The following RPS6KC1 variants were observed in gnomAD, a reference collection of about 807,000 sequenced individuals.
RPS6KC1 encodes ribosomal protein S6 kinase C1, also known as inactive ribosomal protein S6 kinase delta-1.
In RPS6KC1, 54 loss-of-function variants were observed where a neutral mutation model predicts 103.8. The ratio of observed to expected loss-of-function variants is 0.52; its 90% CI spans 0.42 to 0.65. The LOEUF (loss-of-function observed/expected upper bound fraction) is 0.65, where lower values mean the gene tolerates loss of function less well. RPS6KC1 is among the 30% of genes least tolerant of loss of function. RPS6KC1 has a pLI of 0.00. For synonymous variants in RPS6KC1, 439 were observed against 438.7 expected, an observed-to-expected ratio of 1.00 and a Z score of -0.01; for missense variants, 1,151 against 1,253.8, an observed-to-expected ratio of 0.92 and a Z score of 1.24.
At chr1:213,290,455 G>A in the RPS6KC1 span, among the ~76,000 whole-genome samples, 9 of 152,158 alleles carry the variant, frequency 5.9e-5, no homozygotes, top group African/African-American at 4.8e-5. Flanking sequence ...GGAACGATAC[G>A]GGGTGCCTGC....
rs144042840 is a variant in RPS6KC1 at position 213,240,939 on chromosome 1, A to G, written c.1463A>G (p.Asp488Gly). 1.9e-6 allele frequency: 3 copies of G among 1,613,796 alleles called. No homozygotes were observed. The highest frequency in any genetic ancestry group is 1.1e-5 in the South Asian group (1 of 91,084). Residue 488 changes from aspartate to glycine, a missense_variant, in exon 11 of 15, where the codon GAT becomes GGT. Around this residue, in one of 3 missense-constraint regions of RPS6KC1, gnomAD observed 959 missense variants for 1,006.3 expected, o/e 0.95. Transcript: ENST00000366960. ...TCTCAAGATGACAGCAACCAGGAAG[A>G]TGATGGCCAAGATAGCTCTCCAAAG... ...PSSQDDSNQE[D>G]DGQDSSPKWP...
chr1:213,607,727 A>ACACACACAC, the RPS6KC1 span, among the ~76,000 whole-genome samples: 3 of 150,872 alleles, frequency 2.0e-5, no homozygotes, highest in Non-Finnish European at 3.0e-5. Context: ...ACACACACAC[A>ACACACACAC]AAATAAATAA....
the RPS6KC1 span, among the ~76,000 whole-genome samples, chr1:213,390,120 A>G: frequency 6.6e-6 from 1 of 152,202 alleles, no homozygotes; most frequent in African/African-American, 2.4e-5. Context: ...TATGTGAAAT[A>G]AAAGGGACCA....
chr1:213,800,666 CACGAGTCTAG>C, the RPS6KC1 span, among the ~76,000 whole-genome samples: 1 of 152,124 alleles, frequency 6.6e-6, no homozygotes, highest in East Asian at 1.9e-4. Flanking sequence ...ATAGAAGATC[CACGAGTCTAG>C]AAGTGATGGT....
chr1:213,603,248 G>C, the RPS6KC1 span, among the ~76,000 whole-genome samples: 1 of 152,222 alleles, frequency 6.6e-6, no homozygotes, highest in African/African-American at 2.4e-5. Context: ...CCTGTGCTCT[G>C]TCACTAGTTC....
chr1:213,249,802 A>G (rs1197048857), intron 12 of RPS6KC1, among the ~76,000 whole-genome samples: 1 of 152,162 alleles, frequency 6.6e-6, no homozygotes, highest in Non-Finnish European at 1.5e-5. Context: ...CTCGTTTCTT[A>G]TTTTATCTCA....
the RPS6KC1 span, among the ~76,000 whole-genome samples, chr1:213,509,081 G>C: frequency 2.6e-5 from 4 of 152,160 alleles, no homozygotes; most frequent in African/African-American, 4.8e-5. Context: ...AATATGTAGG[G>C]TGACCATGTA....
the RPS6KC1 span, among the ~76,000 whole-genome samples, chr1:213,388,053 C>T: frequency 5.9e-5 from 9 of 152,260 alleles, no homozygotes; most frequent in Admixed American, 1.3e-4. Context: ...AGTTGTCCCC[C>T]CAACTGCTGG....
chr1:213,495,841 G>A, the RPS6KC1 span, among the ~76,000 whole-genome samples: 1 of 152,086 alleles, frequency 6.6e-6, no homozygotes, highest in Non-Finnish European at 1.5e-5. Flanking sequence ...GAATACAAAT[G>A]TCTTATTCTT....
At chr1:213,662,172 G>A in the RPS6KC1 span, among the ~76,000 whole-genome samples, 4 of 151,886 alleles carry the variant, frequency 2.6e-5, no homozygotes, top group Non-Finnish European at 4.4e-5. Flanking sequence ...GTGTGAGGAG[G>A]GTAAGGGATA....
intron 3 of RPS6KC1, among the ~76,000 whole-genome samples, chr1:213,101,390 T>A (rs1329060700): frequency 2.6e-5 from 4 of 152,198 alleles, no homozygotes; most frequent in Admixed American, 6.6e-5. Flanking sequence ...GCATAACCCT[T>A]TATTTTTGGT....
the RPS6KC1 span, among the ~76,000 whole-genome samples, chr1:213,501,007 T>C: frequency 6.6e-6 from 1 of 152,290 alleles, no homozygotes; most frequent in Non-Finnish European, 1.5e-5. Flanking sequence ...AGGCTTAACC[T>C]GAGTGAATGG....
chr1:213,119,061 C>G (rs994149956), intron 5 of RPS6KC1, among the ~76,000 whole-genome samples: 1 of 151,886 alleles, frequency 6.6e-6, no homozygotes, highest in Admixed American at 6.6e-5. Flanking sequence ...CTGGCTGTTG[C>G]CTCAGTTTCC....
intron 1 of RPS6KC1, among the ~76,000 whole-genome samples, chr1:213,068,483 CAAAAAAAAAAAAA>C (rs71147057): frequency 2.8e-5 from 1 of 36,362 alleles, no homozygotes; most frequent in Non-Finnish European, 4.6e-5. Context: ...GACTCTGTCT[CAAAAAAAAAAAAA>C]AAAAAAAAAA....
At chr1:213,700,929 G>C in the RPS6KC1 span, among the ~76,000 whole-genome samples, 1 of 151,862 alleles carries the variant, frequency 6.6e-6, no homozygotes, top group Non-Finnish European at 1.5e-5. Context: ...TAGTAAACTG[G>C]TTTATAAGTT....
chr1:213,662,428 A>ATTTTTTT, the RPS6KC1 span, among the ~76,000 whole-genome samples: 7 of 120,956 alleles, frequency 5.8e-5, no homozygotes, highest in Admixed American at 8.8e-5. Context: ...CACCTGGCTA[A>ATTTTTTT]TTTTTTTTTT....
chr1:213,407,143 G>A, the RPS6KC1 span, among the ~76,000 whole-genome samples: 1 of 151,964 alleles, frequency 6.6e-6, no homozygotes, highest in Non-Finnish European at 1.5e-5. Flanking sequence ...TGAATTCCAG[G>A]ACTGCATCTG....
chr1:213,286,104 T>G, the RPS6KC1 span, among the ~76,000 whole-genome samples: 1 of 152,232 alleles, frequency 6.6e-6, no homozygotes. Flanking sequence ...AAGAGTCTGA[T>G]GTTGTCGAGA....
chr1:213,698,632 A>G, the RPS6KC1 span, among the ~76,000 whole-genome samples: 1 of 151,934 alleles, frequency 6.6e-6, no homozygotes, highest in Admixed American at 6.6e-5. Context: ...TTCTCTGGCA[A>G]CCATTTGTGC....
Sources: gnomAD v4.1 joint callset for allele counts (sites outside exome capture counted in the v4.1 genomes callset) on GRCh38, gnomAD v4.1.1 for gene constraint, gnomAD v4.1.1 regional missense constraint, MANE v1.5 for transcripts, NCBI Gene and HGNC (gene_info 2026-07-23, HGNC 2026-07-21) for gene names.